The following FRAS1 variants were observed in gnomAD, a reference collection of about 807,000 sequenced individuals.
FRAS1 encodes the protein extracellular matrix organizing protein FRAS1.
In FRAS1, 290 loss-of-function variants were observed where a neutral mutation model predicts 435.2. That is an observed-to-expected ratio of 0.67 (90% CI 0.61 to 0.73). FRAS1 has a LOEUF of 0.73. Ranked by LOEUF, FRAS1 falls within the 30% of genes least tolerant of loss-of-function variation. The pLI is 0.00. For missense variants in FRAS1, 4,860 were observed against 5,001.5 expected (o/e 0.97, Z 0.85); for synonymous variants, 1,800 against 1,851.0 (o/e 0.97, Z 0.71).
At chr4:78,255,217 A>C in intron 5 of FRAS1, 25 bp from the exon 6 acceptor site, 1 of 1,551,400 alleles carries the variant, frequency 6.4e-7, no homozygotes, top group South Asian at 1.2e-5. Context: ...TCCCCCTAGT[A>C]ATCCTTGTTT....
intron 14 of FRAS1, among the ~76,000 whole-genome samples, chr4:78,293,926 A>C (rs913465846): frequency 1.3e-5 from 2 of 152,234 alleles, no homozygotes; most frequent in Non-Finnish European, 2.9e-5. Context: ...ATACCAGCAG[A>C]GAAAGCCTGC....
At chr4:78,494,074 C>T (rs1224907028) in intron 59 of FRAS1, among the ~76,000 whole-genome samples, 2 of 152,046 alleles carry the variant, frequency 1.3e-5, no homozygotes. Flanking sequence ...GCTCATCAAT[C>T]TATTGTGTTT....
At position 78,446,731 on chromosome 4, in the gene FRAS1, A is replaced by G. The variant is rs764024978; in HGVS notation, c.5861A>G (p.Lys1954Arg). The change falls in exon 43 of 74, where the codon AAG becomes AGG. Residue 1954 changes from lysine (K) to arginine (R), a missense_variant. Lys to Arg is a conservative substitution (Grantham distance 26). Coordinates refer to ENST00000512123, the MANE Select transcript of FRAS1 (RefSeq NM_025074.7). ...IHSINITIER[K>R]NDEPPRMTLQ... ...AATAGTTTATGCTTTAATCAGAGGA[A>G]GAACGATGAGCCTCCCAGGATGACC... 6.2e-7 allele frequency: 1 copy of G among 1,612,582 alleles called. No individual in the cohort carries two copies. The highest frequency in any genetic ancestry group is 1.1e-5 in the South Asian group (1 of 90,682).
intron 1 of FRAS1, among the ~76,000 whole-genome samples, chr4:78,064,505 T>A (rs887964738): frequency 6.6e-6 from 1 of 151,994 alleles, no homozygotes; most frequent in African/African-American, 2.4e-5. Context: ...AAGGGTGTCA[T>A]AAATTTATAA....
At position 78,496,950 on chromosome 4, in the gene FRAS1, A is replaced by G. The variant is rs768235483; in HGVS notation, c.9104A>G (p.Asn3035Ser). The G allele has an allele frequency of 1.7e-5, 27 of 1,612,576 alleles. No homozygotes were observed. Among genetic ancestry groups the G allele is most frequent in the Non-Finnish European group, 1.9e-5 (22 of 1,178,972 alleles). ...AACATGGCCACCATCACCATATCCA[A>G]TGATGAAGATGGTAACAGAAGAAAT... Reference protein sequence around the residue: ...KNNMATITISNDEDAPTIEFE... With the variant: ...KNNMATITISSDEDAPTIEFE... Residue 3035 changes from asparagine (N) to serine (S), a missense_variant, in exon 60 of 74, where the codon AAT becomes AGT. Asn to Ser is a conservative substitution (Grantham distance 46). Transcript: ENST00000512123.
intron 2 of FRAS1, among the ~76,000 whole-genome samples, chr4:78,128,167 G>C (rs571337404): frequency 1.1e-4 from 17 of 152,104 alleles, no homozygotes; most frequent in Non-Finnish European, 2.1e-4. Context: ...GGACATTTGG[G>C]TTGGTTCCAA....
At chr4:78,220,894 C>T (rs1470528574) in intron 2 of FRAS1, among the ~76,000 whole-genome samples, 1 of 152,036 alleles carries the variant, frequency 6.6e-6, no homozygotes, top group East Asian at 1.9e-4. Context: ...AAAAATAATA[C>T]AGGCTGGGCA....
rs762058202 is a variant in FRAS1 at position 78,387,691 on chromosome 4, C to A, written c.3965C>A (p.Thr1322Asn). 3 of 1,521,248 alleles carry A rather than the reference C, an allele frequency of 2.0e-6. No individual in the cohort carries two copies. Among genetic ancestry groups the A allele is most frequent in the Admixed American group, 3.9e-5 (2 of 51,274 alleles). The allele number at this position is 1,521,248 out of a possible 1,614,324, so 94.2% of individuals were successfully genotyped here. Residue 1322 changes from threonine (T) to asparagine (N), a missense_variant, in exon 29 of 74, where the codon ACC (threonine) becomes AAC (asparagine). Coordinates refer to ENST00000512123, the MANE Select transcript of FRAS1 (RefSeq NM_025074.7). ...CATAATATACTGTTCCAAGTGAAGA[C>A]CGTGCCTCAGGTAGGTGTCATTCCT... ...SFHNILFQVK[T>N]VPQNDRGLQL...
chr4:78,313,405 T>G (rs1729112137), intron 15 of FRAS1, among the ~76,000 whole-genome samples: 1 of 152,216 alleles, frequency 6.6e-6, no homozygotes, highest in African/African-American at 2.4e-5. Flanking sequence ...TCTCAAAATA[T>G]TTTTCAGGAG....
At chr4:78,341,360 G>A (rs2110271101) in intron 20 of FRAS1, among the ~76,000 whole-genome samples, 1 of 152,314 alleles carries the variant, frequency 6.6e-6, no homozygotes, top group Middle Eastern at 3.4e-3. Flanking sequence ...GGGATGCCTT[G>A]AAGATTCTGG....
At chr4:78,181,097 C>G in intron 2 of FRAS1, 1 of 1,560,936 alleles carries the variant, frequency 6.4e-7, no homozygotes, top group South Asian at 1.1e-5. Context: ...CAGCATAAGC[C>G]TCTTCACTCT....
chr4:78,063,860 T>A (rs1328476539), intron 1 of FRAS1, among the ~76,000 whole-genome samples: 1 of 152,178 alleles, frequency 6.6e-6, no homozygotes, highest in Non-Finnish European at 1.5e-5. Flanking sequence ...AAAGTTAAGT[T>A]TTGTTTAATC....
rs1732272854 is a variant in FRAS1, at chr4:78,387,680, C to G, written c.3954C>G (p.Phe1318Leu). 3.3e-6 allele frequency: 5 copies of G among 1,538,242 alleles called. No individual in the cohort carries two copies. The highest frequency in any genetic ancestry group is 1.9e-5 in the Admixed American group (1 of 53,570). The change falls in exon 29 of 74, where the codon TTC becomes TTG. Residue 1318 changes from phenylalanine to leucine, a missense_variant. By Grantham distance (22) the Phe-to-Leu change is conservative (BLOSUM62 0). Coordinates refer to ENST00000512123, the MANE Select transcript of FRAS1 (RefSeq NM_025074.7). ...GACACTCCTTCCATAATATACTGTT[C>G]CAAGTGAAGACCGTGCCTCAGGTAG... ...NDGHSFHNIL[F>L]QVKTVPQNDR...
At chr4:78,538,903 T>C (rs1351559298) in intron 72 of FRAS1, among the ~76,000 whole-genome samples, 3 of 148,396 alleles carry the variant, frequency 2.0e-5, no homozygotes, top group Admixed American at 6.8e-5. Flanking sequence ...AGCAGTGAGC[T>C]GAGATCGCGC....
At chr4:78,113,903 C>G (rs1428387640) in intron 2 of FRAS1, among the ~76,000 whole-genome samples, 1 of 152,166 alleles carries the variant, frequency 6.6e-6, no homozygotes, top group Non-Finnish European at 1.5e-5. Flanking sequence ...AGTCCTTGCC[C>G]ATGCCTATGT....
chr4:78,229,885 A>G (rs1724449021), intron 2 of FRAS1, among the ~76,000 whole-genome samples: 1 of 152,164 alleles, frequency 6.6e-6, no homozygotes, highest in African/African-American at 2.4e-5. Flanking sequence ...CATCATGAGT[A>G]TGTGGAGGAC....
intron 2 of FRAS1, among the ~76,000 whole-genome samples, chr4:78,178,622 C>G (rs1486417427): frequency 6.6e-6 from 1 of 152,216 alleles, no homozygotes; most frequent in Non-Finnish European, 1.5e-5. Flanking sequence ...CAAAATGACA[C>G]TCACCAAGAA....
intron 2 of FRAS1, among the ~76,000 whole-genome samples, chr4:78,165,558 G>A (rs1352985313): frequency 6.6e-6 from 1 of 152,060 alleles, no homozygotes; most frequent in Non-Finnish European, 1.5e-5. Context: ...TCGTGTAACC[G>A]ACCACCCCCA....
intron 22 of FRAS1, among the ~76,000 whole-genome samples, chr4:78,369,350 G>A (rs1349234619): frequency 1.3e-5 from 2 of 152,192 alleles, no homozygotes; most frequent in African/African-American, 4.8e-5. Flanking sequence ...TCTAAGAGTT[G>A]TAACTAGGCA....
Sources: allele counts gnomAD v4.1 joint callset (sites outside exome capture counted in the v4.1 genomes callset), GRCh38; gene constraint gnomAD v4.1.1; transcripts MANE v1.5; gene names NCBI Gene and HGNC (gene_info 2026-07-23, HGNC 2026-07-21).